Variants in ITGA9 observed in about 807,000 individuals in gnomAD.
ITGA9 encodes the protein integrin subunit alpha 9, also known as integrin alpha-9.
ITGA9 carries 56 observed loss-of-function variants against 127.8 expected under a neutral mutation model. The ratio of observed to expected loss-of-function variants is 0.44; its 90% CI spans 0.35 to 0.55. The LOEUF (loss-of-function observed/expected upper bound fraction) is 0.55, where lower values mean the gene tolerates loss of function less well. Among genes scored for constraint, ITGA9 ranks in the 20% least tolerant of loss-of-function variants. The pLI, the probability that ITGA9 is intolerant of heterozygous loss-of-function variation, is 0.00. For missense variants in ITGA9, 1,196 were observed against 1,347.1 expected (o/e 0.89, Z 1.76); for synonymous variants, 508 against 514.5 (o/e 0.99, Z 0.17).
At chr3:37,666,138 A>G (rs751573538) in intron 17 of ITGA9, among the ~76,000 whole-genome samples, 7 of 152,220 alleles carry the variant, frequency 4.6e-5, no homozygotes, top group Non-Finnish European at 7.3e-5. Context: ...ATCACTAACT[A>G]TAGTCATGAT....
chr3:37,657,053 G>T (rs1700485495), intron 17 of ITGA9, among the ~76,000 whole-genome samples: 1 of 152,086 alleles, frequency 6.6e-6, no homozygotes, highest in African/African-American at 2.4e-5. Context: ...ACTTGATTGT[G>T]GTGGATAAAC....
intron 23 of ITGA9, among the ~76,000 whole-genome samples, chr3:37,753,279 G>A (rs1559588350): frequency 6.6e-6 from 1 of 152,168 alleles, no homozygotes; most frequent in Non-Finnish European, 1.5e-5. Flanking sequence ...CCAAGGAGAG[G>A]AATAAGTCCC....
At chr3:37,533,618 C>A in intron 14 of ITGA9, 150 bp downstream of exon 14, 1 of 724,122 alleles carries the variant, frequency 1.4e-6, no homozygotes, top group Non-Finnish European at 2.4e-6. Context: ...TGAGGTTCCT[C>A]CCCTTCTATT....
intron 15 of ITGA9, among the ~76,000 whole-genome samples, chr3:37,619,451 G>A (rs1210595372): frequency 6.6e-6 from 1 of 152,212 alleles, no homozygotes; most frequent in Non-Finnish European, 1.5e-5. Flanking sequence ...AAAATGTTGA[G>A]TAAGGATGTG....
At chr3:37,691,674 C>T (rs1447548186) in intron 18 of ITGA9, among the ~76,000 whole-genome samples, 1 of 152,178 alleles carries the variant, frequency 6.6e-6, no homozygotes, top group Non-Finnish European at 1.5e-5. Flanking sequence ...ATGTTCTAGT[C>T]CGGATCTGCA....
At chr3:37,643,229 C>G (rs1423082489) in intron 16 of ITGA9, among the ~76,000 whole-genome samples, 1 of 152,196 alleles carries the variant, frequency 6.6e-6, no homozygotes, top group Non-Finnish European at 1.5e-5. Context: ...CAACCCTACT[C>G]TTATGGGTAT....
intron 1 of ITGA9, among the ~76,000 whole-genome samples, chr3:37,467,288 G>C (rs1229944523): frequency 6.6e-6 from 1 of 152,208 alleles, no homozygotes; most frequent in African/African-American, 2.4e-5. Flanking sequence ...CTGATCAGAA[G>C]TTTTGAACTG....
At chr3:37,675,205 C>T (rs952302517) in intron 17 of ITGA9, among the ~76,000 whole-genome samples, 4 of 152,158 alleles carry the variant, frequency 2.6e-5, no homozygotes, top group Non-Finnish European at 5.9e-5. Context: ...TTTGCAGTAG[C>T]CCTCAACCAA....
intron 17 of ITGA9, among the ~76,000 whole-genome samples, chr3:37,669,298 A>G (rs1453951920): frequency 2.0e-5 from 3 of 152,214 alleles, no homozygotes; most frequent in African/African-American, 7.2e-5. Flanking sequence ...TTGTTAGCCA[A>G]TGGCTGGCTG....
intron 4 of ITGA9, among the ~76,000 whole-genome samples, chr3:37,483,944 G>A (rs1312879270): frequency 6.6e-6 from 1 of 152,202 alleles, no homozygotes; most frequent in African/African-American, 2.4e-5. Context: ...GTAATTAATG[G>A]TAATTTCTGT....
intron 18 of ITGA9, among the ~76,000 whole-genome samples, chr3:37,727,495 G>C (rs896272513): frequency 1.3e-5 from 2 of 152,172 alleles, no homozygotes; most frequent in African/African-American, 4.8e-5. Context: ...ACGAAATTAG[G>C]TTTATTTTAT....
At chr3:37,559,510 G>A (rs1559536540) in intron 15 of ITGA9, among the ~76,000 whole-genome samples, 1 of 152,210 alleles carries the variant, frequency 6.6e-6, no homozygotes, top group Non-Finnish European at 1.5e-5. Context: ...TAAATCCACT[G>A]AGCTGGAATT....
chr3:37,684,757 C>T (rs568610881), intron 18 of ITGA9, among the ~76,000 whole-genome samples: 29 of 152,332 alleles, frequency 1.9e-4, no homozygotes, highest in African/African-American at 6.5e-4. Context: ...GTGTGACCCA[C>T]CGCCCCTGGC....
chr3:37,747,000 C>T (rs1696509155), intron 22 of ITGA9, among the ~76,000 whole-genome samples: 1 of 152,186 alleles, frequency 6.6e-6, no homozygotes, highest in South Asian at 2.1e-4. Context: ...GATTCTCTCT[C>T]TAGTGCCCAG....
rs1415335376 is a variant in ITGA9, at chr3:37,518,807, T to C, written c.1142-453T>C. Among the ~76,000 whole-genome samples, 11 of 131,528 alleles carry C rather than the reference T, an allele frequency of 8.4e-5. No individual in the cohort carries two copies. The South Asian group carries it at 2.8e-3, about 33-fold the overall frequency. 86.3% of individuals were successfully genotyped at this position (131,528 alleles called of 152,430 possible). On this transcript the variant is annotated intron_variant, in intron 10 of 27. Transcript: ENST00000264741. ...TTTTTTTTTTTTTTTTTTTTTGAGA[T>C]GGAGTCTCACTCTGTTTCCCAGGCT...
At chr3:37,738,442 A>G (rs1193267219) in intron 20 of ITGA9, among the ~76,000 whole-genome samples, 1 of 152,178 alleles carries the variant, frequency 6.6e-6, no homozygotes, top group Non-Finnish European at 1.5e-5. Context: ...ACACAAGCAC[A>G]GTGGGAATGG....
intron 18 of ITGA9, 89 bp downstream of exon 18, chr3:37,684,104 A>G (rs772522699): frequency 2.8e-6 from 3 of 1,090,840 alleles, no homozygotes; most frequent in South Asian, 1.3e-5. Flanking sequence ...CAATGATTCT[A>G]CAAGCACTAA....
At chr3:37,518,892 C>T (rs1461535034) in intron 10 of ITGA9, among the ~76,000 whole-genome samples, 1 of 141,872 alleles carries the variant, frequency 7.0e-6, no homozygotes, top group Non-Finnish European at 1.5e-5. Context: ...TCAAGTGATT[C>T]TCTTGCCTCA....
At chr3:37,785,199 C>G (rs1383695331) in intron 26 of ITGA9, 121 bp downstream of exon 26, 3 of 772,156 alleles carry the variant, frequency 3.9e-6, no homozygotes, top group Admixed American at 3.9e-5. Context: ...GGGTTTGTGG[C>G]AGACCCAAGA....
Sources: gnomAD v4.1 joint callset for allele counts (sites outside exome capture counted in the v4.1 genomes callset) on GRCh38, gnomAD v4.1.1 for gene constraint, MANE v1.5 for transcripts, NCBI Gene and HGNC (gene_info 2026-07-23, HGNC 2026-07-21) for gene names.